ZBTB20: variants seen among roughly 807,000 people sequenced by gnomAD.
ZBTB20 encodes the protein zinc finger and BTB domain containing 20.
A neutral mutation model predicts 56.9 loss-of-function variants in ZBTB20; 9 were observed. The observed-to-expected ratio is 0.16, with a 90% CI of 0.10 to 0.28. The LOEUF is 0.28. Ranked by LOEUF, ZBTB20 falls within the 10% of genes least tolerant of loss-of-function variation. The pLI is 1.00. For synonymous variants in ZBTB20, 417 were observed against 420.7 expected (o/e 0.99, Z 0.11); for missense variants, 655 against 1,003.0 (o/e 0.65, Z 4.69).
chr3:114,481,266 A>T (rs1240489140), intron 7 of ZBTB20, among the ~76,000 whole-genome samples: 1 of 3,204 alleles, frequency 3.1e-4, no homozygotes, highest in Non-Finnish European at 7.0e-4. Flanking sequence ...AGGATACATT[A>T]AAAAAAAAAA....
intron 5 of ZBTB20, among the ~76,000 whole-genome samples, chr3:114,765,099 G>A (rs987992004): frequency 2.0e-5 from 3 of 152,148 alleles, no homozygotes; most frequent in Non-Finnish European, 4.4e-5. Flanking sequence ...AGAAATAAAA[G>A]TATGCAAAGC....
intron 7 of ZBTB20, among the ~76,000 whole-genome samples, chr3:114,459,887 A>T (rs1290225957): frequency 6.6e-6 from 1 of 152,116 alleles, no homozygotes; most frequent in African/African-American, 2.4e-5. Flanking sequence ...AAAAGTGGAC[A>T]AGATTTATCC....
chr3:115,047,622 A>G (rs1331337325), intron 2 of ZBTB20, among the ~76,000 whole-genome samples: 1 of 152,244 alleles, frequency 6.6e-6, no homozygotes, highest in African/African-American at 2.4e-5. Flanking sequence ...AAAAGTAACA[A>G]TGAATAATGC....
intron 6 of ZBTB20, among the ~76,000 whole-genome samples, chr3:114,555,832 A>G (rs2051147894): frequency 6.6e-6 from 1 of 152,104 alleles, no homozygotes; most frequent in Non-Finnish European, 1.5e-5. Flanking sequence ...TATACAATAA[A>G]GTCTAGGTTG....
chr3:114,879,412 C>A (rs1364802877), intron 4 of ZBTB20, among the ~76,000 whole-genome samples: 1 of 151,900 alleles, frequency 6.6e-6, no homozygotes, highest in Non-Finnish European at 1.5e-5. Context: ...TTAGACACTG[C>A]ACTTTAAAAA....
chr3:114,818,253 T>C (rs923980411), intron 4 of ZBTB20, among the ~76,000 whole-genome samples: 1 of 152,202 alleles, frequency 6.6e-6, no homozygotes, highest in African/African-American at 2.4e-5. Flanking sequence ...ATCACCATTT[T>C]ACATTTAAAC....
At chr3:114,980,821 G>A (rs2078296320) in intron 2 of ZBTB20, among the ~76,000 whole-genome samples, 1 of 151,942 alleles carries the variant, frequency 6.6e-6, no homozygotes, top group Admixed American at 6.6e-5. Context: ...ACTGAAGAAA[G>A]ATTGCTGCTT....
chr3:114,608,494 G>A (rs2107673793), intron 6 of ZBTB20, among the ~76,000 whole-genome samples: 1 of 152,246 alleles, frequency 6.6e-6, no homozygotes, highest in Middle Eastern at 3.4e-3. Flanking sequence ...CTGTTCTGGA[G>A]AAAACTTTGT....
At position 114,317,662 on chromosome 3, in the gene ZBTB20, T is replaced by C. The variant is rs2078738373; in HGVS notation, c.*21343A>G. Reference sequence around the variant, plus strand: ...CTCAAACGATGCCCAAATCTTCCACTAACACATCAACCTCCCCTATCACTT... The same window carrying C: ...CTCAAACGATGCCCAAATCTTCCACCAACACATCAACCTCCCCTATCACTT... On this transcript the variant is annotated 3_prime_UTR_variant, in exon 12 of 12. Coordinates refer to ENST00000675478, the MANE Select transcript of ZBTB20 (RefSeq NM_001348800.3). 2.0e-5 allele frequency: 3 copies of C among 152,304 alleles called. No individual in the cohort carries two copies. The South Asian group carries it at 6.2e-4, about 32-fold the overall frequency. The allele number at this position is 152,304 out of a possible 1,614,324, so 9.4% of individuals were successfully genotyped here.
intron 2 of ZBTB20, among the ~76,000 whole-genome samples, chr3:114,998,341 T>C (rs1430704183): frequency 1.3e-5 from 2 of 151,810 alleles, no homozygotes; most frequent in Non-Finnish European, 2.9e-5. Flanking sequence ...TACAAAGCTG[T>C]TGTGCCATCA....
At chr3:115,078,099 A>T (rs774114081) in intron 1 of ZBTB20, among the ~76,000 whole-genome samples, 2 of 152,138 alleles carry the variant, frequency 1.3e-5, no homozygotes. Flanking sequence ...CAAAACAGAA[A>T]ATCTGGCTCC....
chr3:114,963,927 C>T (rs529388168), intron 3 of ZBTB20, among the ~76,000 whole-genome samples: 1 of 152,176 alleles, frequency 6.6e-6, no homozygotes, highest in South Asian at 2.1e-4. Context: ...TTAAAGAACC[C>T]CTTTTTCCTA....
At chr3:114,885,828 C>T (rs1463848195) in intron 4 of ZBTB20, among the ~76,000 whole-genome samples, 1 of 152,090 alleles carries the variant, frequency 6.6e-6, no homozygotes, top group African/African-American at 2.4e-5. Flanking sequence ...AACAGAAGTG[C>T]ACCAAAAGAG....
chr3:115,002,375 A>T (rs1233998835), intron 2 of ZBTB20, among the ~76,000 whole-genome samples: 2 of 151,590 alleles, frequency 1.3e-5, no homozygotes, highest in African/African-American at 4.8e-5. Flanking sequence ...TTGACGTTAG[A>T]GTTTATTAAA....
intron 6 of ZBTB20, among the ~76,000 whole-genome samples, chr3:114,607,250 T>C (rs2057235734): frequency 6.6e-6 from 1 of 152,024 alleles, no homozygotes; most frequent in African/African-American, 2.4e-5. Flanking sequence ...TTATAATCAT[T>C]TCTATGGATT....
At chr3:114,709,533 A>G (rs2063923238) in intron 5 of ZBTB20, among the ~76,000 whole-genome samples, 1 of 152,180 alleles carries the variant, frequency 6.6e-6, no homozygotes, top group Non-Finnish European at 1.5e-5. Context: ...CTACCTATCA[A>G]TCCAGTACAT....
chr3:114,730,346 A>G (rs2065642683), intron 5 of ZBTB20, among the ~76,000 whole-genome samples: 1 of 152,142 alleles, frequency 6.6e-6, no homozygotes. Context: ...GTATCCTGCA[A>G]AATATCCCTG....
At chr3:114,840,784 T>A (rs763368352) in intron 4 of ZBTB20, among the ~76,000 whole-genome samples, 1 of 152,136 alleles carries the variant, frequency 6.6e-6, no homozygotes, top group Non-Finnish European at 1.5e-5. Context: ...AGGAAGAATA[T>A]AGGAATCATG....
intron 6 of ZBTB20, among the ~76,000 whole-genome samples, chr3:114,575,237 T>C (rs530010736): frequency 4.1e-4 from 62 of 152,324 alleles, no homozygotes; most frequent in Middle Eastern, 3.4e-3. Flanking sequence ...CAATCTGTTG[T>C]TATGTATAAA....
Sources: allele counts gnomAD v4.1 joint callset (sites outside exome capture counted in the v4.1 genomes callset), GRCh38; gene constraint gnomAD v4.1.1; transcripts MANE v1.5; gene names NCBI Gene and HGNC (gene_info 2026-07-23, HGNC 2026-07-21).